Variants in TRERF1 observed in about 807,000 individuals in gnomAD.
The protein encoded by TRERF1 is transcriptional regulating factor 1, also known as transcriptional-regulating factor 1.
A neutral mutation model predicts 122.9 loss-of-function variants in TRERF1; 27 were observed. The observed-to-expected ratio is 0.22, with a 90% CI of 0.16 to 0.30. TRERF1 has a LOEUF of 0.30. TRERF1 is among the 10% of genes least tolerant of loss of function. The pLI, the probability that TRERF1 is intolerant of heterozygous loss-of-function variation, is 1.00. For missense variants in TRERF1, 1,248 were observed against 1,560.3 expected (o/e 0.80, Z 3.37); for synonymous variants, 636 against 641.7 (o/e 0.99, Z 0.13).
In TRERF1 at chr6:42,263,782, C is replaced by A. The variant is rs1778678659; in HGVS notation, c.1636-214G>T. 2.0e-5 allele frequency among the ~76,000 whole-genome samples: 3 copies of A among 152,122 alleles called. No individual in the cohort carries two copies. The highest frequency in any genetic ancestry group is 7.2e-5 in the African/African-American group (3 of 41,424). ...ACTCCATTTTTTACAGTTAAAAATT[C>A]TTGACCATGCATTACTTGTGTATTA... On this transcript the variant is annotated intron_variant, in intron 7 of 17. Coordinates refer to ENST00000372922, the Ensembl canonical transcript of TRERF1. This position sits in a 1 kb window ranked among gnomAD's most constrained non-coding sequence, Gnocchi z 5.6.
At chr6:42,309,993 G>A (rs1787960406) in intron 3 of TRERF1, among the ~76,000 whole-genome samples, 1 of 152,132 alleles carries the variant, frequency 6.6e-6, no homozygotes, top group Non-Finnish European at 1.5e-5. Context: ...CCAACTCCTA[G>A]GCTGAAGCAA....
chr6:42,258,768 C>T (rs1263225138), intron 9 of TRERF1, among the ~76,000 whole-genome samples: 1 of 151,854 alleles, frequency 6.6e-6, no homozygotes, highest in African/African-American at 2.4e-5. Context: ...GAGTTTCACT[C>T]TCATCCCCCA....
chr6:42,283,805 G>A (rs184270683), intron 4 of TRERF1, among the ~76,000 whole-genome samples: 1 of 151,664 alleles, frequency 6.6e-6, no homozygotes, highest in Non-Finnish European at 1.5e-5. Context: ...TAGTAGAGAC[G>A]GGGTTTCTCC....
At chr6:42,321,021 C>T (rs75726021) in intron 3 of TRERF1, among the ~76,000 whole-genome samples, 16 of 151,856 alleles carry the variant, frequency 1.1e-4, no homozygotes, top group Non-Finnish European at 5.9e-5. Context: ...GACTCAGAGA[C>T]GCCAGAACAA....
chr6:42,447,689 T>G (rs1787770781), intron 2 of TRERF1, among the ~76,000 whole-genome samples: 1 of 152,004 alleles, frequency 6.6e-6, no homozygotes, highest in African/African-American at 2.4e-5. Context: ...AGATCCTTAC[T>G]TTTCTTTTTT....
chr6:42,233,580 T>C (rs531222184), intron 16 of TRERF1, among the ~76,000 whole-genome samples: 70 of 152,294 alleles, frequency 4.6e-4, no homozygotes, highest in African/African-American at 1.3e-3. Context: ...CCACCACGCC[T>C]GGCCTCAAAC....
chr6:42,299,317 G>C (rs887146445), intron 4 of TRERF1, among the ~76,000 whole-genome samples: 4 of 152,090 alleles, frequency 2.6e-5, no homozygotes, highest in Middle Eastern at 6.8e-3. Context: ...TAAGAAGATG[G>C]AAAATGAAAT....
At chr6:42,249,663 TG>T (rs1452164920) in intron 13 of TRERF1, among the ~76,000 whole-genome samples, 1 of 152,220 alleles carries the variant, frequency 6.6e-6, no homozygotes, top group Non-Finnish European at 1.5e-5. Flanking sequence ...ATGTTCTCCC[TG>T]CCCCTCTATG....
intron 9 of TRERF1, among the ~76,000 whole-genome samples, chr6:42,258,868 G>A (rs774691865): frequency 6.6e-6 from 1 of 152,138 alleles, no homozygotes; most frequent in Non-Finnish European, 1.5e-5. Flanking sequence ...CCAAGTAGCT[G>A]GGATTACAGG....
At chr6:42,382,073 C>T (rs1215207070) in intron 2 of TRERF1, among the ~76,000 whole-genome samples, 1 of 151,704 alleles carries the variant, frequency 6.6e-6, no homozygotes, top group Non-Finnish European at 1.5e-5. Flanking sequence ...GAGGCCTGCC[C>T]AAAATAATGA....
chr6:42,258,483 T>C (rs1777166842), intron 9 of TRERF1, among the ~76,000 whole-genome samples: 1 of 152,252 alleles, frequency 6.6e-6, no homozygotes, highest in South Asian at 2.1e-4. Flanking sequence ...AAAGAGATCC[T>C]AGCCTCTCTA....
intron 2 of TRERF1, among the ~76,000 whole-genome samples, chr6:42,406,402 A>G (rs1780182759): frequency 6.6e-6 from 1 of 152,188 alleles, no homozygotes; most frequent in African/African-American, 2.4e-5. Context: ...TCTTGTTGAA[A>G]GGGCATTGGT....
chr6:42,366,221 T>C (rs1275845467), intron 2 of TRERF1, among the ~76,000 whole-genome samples: 1 of 152,230 alleles, frequency 6.6e-6, no homozygotes, highest in African/African-American at 2.4e-5. Flanking sequence ...CCTGTGCCCA[T>C]GTGGACTGCC....
At chr6:42,296,107 G>A (rs773798723) in intron 4 of TRERF1, among the ~76,000 whole-genome samples, 2 of 152,102 alleles carry the variant, frequency 1.3e-5, no homozygotes, top group Non-Finnish European at 2.9e-5. Context: ...CGCAGCCCCA[G>A]CCCCACCACG....
intron 3 of TRERF1, among the ~76,000 whole-genome samples, chr6:42,354,690 T>C (rs1465675408): frequency 6.6e-6 from 1 of 152,206 alleles, no homozygotes; most frequent in Admixed American, 6.5e-5. Context: ...TTCTGAACTA[T>C]CCTAGTTCAC....
intron 3 of TRERF1, among the ~76,000 whole-genome samples, chr6:42,323,178 G>T (rs1188372897): frequency 6.6e-6 from 1 of 150,968 alleles, no homozygotes; most frequent in Non-Finnish European, 1.5e-5. Flanking sequence ...GATAAAGGAG[G>T]TGCAACTTTC....
At chr6:42,451,616 T>C (rs796082483) in intron 1 of TRERF1, among the ~76,000 whole-genome samples, 58 bp downstream of exon 1, 2 of 128,354 alleles carry the variant, frequency 1.6e-5, no homozygotes, top group African/African-American at 2.9e-5. Flanking sequence ...CCCCCTTCTA[T>C]ATACATGCAC....
At chr6:42,378,191 A>G (rs1775245443) in intron 2 of TRERF1, among the ~76,000 whole-genome samples, 1 of 152,148 alleles carries the variant, frequency 6.6e-6, no homozygotes, top group South Asian at 2.1e-4. Context: ...CAGCTTCCAA[A>G]GAAAGCCCAA....
At chr6:42,243,014 C>A (rs945548519) in intron 15 of TRERF1, among the ~76,000 whole-genome samples, 2 of 152,172 alleles carry the variant, frequency 1.3e-5, no homozygotes, top group African/African-American at 4.8e-5. Flanking sequence ...GAAGCGGGCA[C>A]CAGCCCTCAC....
Sources: gnomAD v4.1 joint callset for allele counts (sites outside exome capture counted in the v4.1 genomes callset) on GRCh38, gnomAD v4.1.1 for gene constraint, Gnocchi (gnomAD v3.1) non-coding constraint, MANE v1.5 for transcripts, NCBI Gene and HGNC (gene_info 2026-07-23, HGNC 2026-07-21) for gene names.